Variants in SLC6A13 observed in about 807,000 individuals in gnomAD.
SLC6A13 encodes solute carrier family 6 member 13.
Under a neutral mutation model 72.9 loss-of-function variants are expected in SLC6A13, and 69 were observed. The ratio of observed to expected loss-of-function variants is 0.95; its 90% CI spans 0.78 to 1.16. The LOEUF is 1.16. SLC6A13 is among the 50% of genes most tolerant of loss of function. SLC6A13 has a pLI of 0.00. For missense variants in SLC6A13, 735 were observed against 760.5 expected (o/e 0.97, Z 0.39); for synonymous variants, 303 against 303.0 (o/e 1.00, Z 0.00).
intron 14 of SLC6A13, 81 bp downstream of exon 14, chr12:221,295 G>A (rs548352705): frequency 2.3e-5 from 32 of 1,418,770 alleles, no homozygotes; most frequent in Middle Eastern, 2.4e-4. Flanking sequence ...AACGGTGTGC[G>A]CCCTGGCTGG....
chr12:243,857 C>T, intron 2 of SLC6A13, 44 bp from the exon 3 acceptor site: 1 of 1,597,888 alleles, frequency 6.3e-7, no homozygotes. Context: ...GACTATTCTC[C>T]TCATGGTCTG....
chr12:259,832 A>C lies in SLC6A13; in HGVS notation c.202+19T>G. The C allele has an allele frequency of 6.2e-7, 1 of 1,614,208 alleles. No individual in the cohort carries two copies. The highest frequency in any genetic ancestry group is 8.5e-7 in the Non-Finnish European group (1 of 1,180,032). On this transcript the variant is annotated intron_variant, in intron 2 of 14. Transcript: ENST00000343164. Reference sequence around the variant, plus strand: ...TCCTTCCAGGAGTGGGTGGGGTGGCACAAGGGCTCTCATCTCACCTCCCCC... The same window carrying C: ...TCCTTCCAGGAGTGGGTGGGGTGGCCCAAGGGCTCTCATCTCACCTCCCCC...
chr12:229,288 T>TA (rs1565492162), intron 7 of SLC6A13, among the ~76,000 whole-genome samples: 2 of 152,314 alleles, frequency 1.3e-5, no homozygotes, highest in South Asian at 4.1e-4. Context: ...TCTCCCCGTT[T>TA]AAAAAAAGAA....
intron 3 of SLC6A13, 85 bp downstream of exon 3, chr12:243,594 A>G: frequency 2.9e-6 from 4 of 1,360,376 alleles, no homozygotes; most frequent in Non-Finnish European, 4.1e-6. Context: ...TAACCTCAGA[A>G]CTGCTACTAA....
In SLC6A13 at chr12:259,295, A is replaced by G. The variant is rs144787788; in HGVS notation, c.202+556T>C. 1.3e-3 allele frequency: 1,214 copies of G among 969,564 alleles called. 4 individuals are homozygous for G. Among genetic ancestry groups the G allele is most frequent in the Admixed American group, 2.7e-3 (48 of 18,040 alleles). 60.1% of individuals were successfully genotyped at this position (969,564 alleles called of 1,614,324 possible). ...AGACCACAGAACAGTTTGGTTATCA[A>G]CGTCATCATCAACAGAGCTACTACT... On this transcript the variant is annotated intron_variant, in intron 2 of 14. Coordinates refer to ENST00000343164, the MANE Select transcript of SLC6A13 (RefSeq NM_016615.5).
chr12:241,059 G>A (rs922646879), intron 4 of SLC6A13, among the ~76,000 whole-genome samples: 10 of 152,204 alleles, frequency 6.6e-5, no homozygotes, highest in South Asian at 2.1e-4. Flanking sequence ...TAATCCCAGC[G>A]CTTTGGGAGG....
chr12:243,574 G>A (rs1942244613), intron 3 of SLC6A13, 105 bp downstream of exon 3: 1 of 1,141,368 alleles, frequency 8.8e-7, no homozygotes. Flanking sequence ...AGAGACTCGG[G>A]ATCTTATCTT....
chr12:229,857 C>A (rs879698603), intron 7 of SLC6A13, among the ~76,000 whole-genome samples: 2 of 152,096 alleles, frequency 1.3e-5, no homozygotes, highest in African/African-American at 4.8e-5. Context: ...TAAGAGAAAT[C>A]GTGACTTGGC....
At chr12:247,237 A>T (rs1255099934) in intron 2 of SLC6A13, among the ~76,000 whole-genome samples, 1 of 151,958 alleles carries the variant, frequency 6.6e-6, no homozygotes, top group Non-Finnish European at 1.5e-5. Flanking sequence ...ACAAACACCA[A>T]GATTAAAAAA....
intron 6 of SLC6A13, 99 bp downstream of exon 6, chr12:237,059 C>T (rs1422476390): frequency 2.2e-6 from 3 of 1,339,076 alleles, no homozygotes; most frequent in Non-Finnish European, 3.1e-6. Flanking sequence ...CATCGCCTCC[C>T]ATCCTCAACG....
At chr12:223,400 G>A (rs1394440552) in intron 11 of SLC6A13, among the ~76,000 whole-genome samples, 166 bp from the exon 12 acceptor site, 1 of 151,000 alleles carries the variant, frequency 6.6e-6, no homozygotes, top group African/African-American at 2.5e-5. Flanking sequence ...AAAGCATGAG[G>A]CGGATATGAG....
intron 7 of SLC6A13, among the ~76,000 whole-genome samples, chr12:229,487 A>G (rs1026786098): frequency 6.6e-6 from 1 of 152,210 alleles, no homozygotes; most frequent in African/African-American, 2.4e-5. Flanking sequence ...TTCCTGCTTC[A>G]CTGGCTAAGT....
intron 1 of SLC6A13, among the ~76,000 whole-genome samples, chr12:260,743 A>G (rs529168320): frequency 3.3e-5 from 5 of 152,362 alleles, no homozygotes; most frequent in African/African-American, 1.2e-4. Context: ...CAGTACATAC[A>G]ATATGATCAT....
At chr12:228,704 T>C (rs1036335689) in intron 7 of SLC6A13, among the ~76,000 whole-genome samples, 1 of 152,098 alleles carries the variant, frequency 6.6e-6, no homozygotes, top group African/African-American at 2.4e-5. Context: ...CCTTGCTCCC[T>C]CCTTTCACGC....
Position 248,331 on chromosome 12 carries a change from G to C in SLC6A13, c.203-4518C>G, listed in dbSNP as rs542170309. ...GCAGGAGAAATGGAGTGAACCCCGGGGGGCGGAGCATGCAGTGAGCCGAGG... is the reference window on the plus strand; with the variant it reads ...GCAGGAGAAATGGAGTGAACCCCGGCGGGCGGAGCATGCAGTGAGCCGAGG... On this transcript the variant is annotated intron_variant, in intron 2 of 14. Transcript: ENST00000343164. Among the ~76,000 whole-genome samples, 3 of 151,578 alleles carry C rather than the reference G, an allele frequency of 2.0e-5. No individual in the cohort carries two copies. In the South Asian group the frequency reaches 6.3e-4, roughly 32 times the overall value.
chr12:247,319 G>C (rs1021366090), intron 2 of SLC6A13, among the ~76,000 whole-genome samples: 1 of 151,496 alleles, frequency 6.6e-6, no homozygotes, highest in African/African-American at 2.4e-5. Flanking sequence ...GCTTTTAAGA[G>C]AAAACCTTAA....
At chr12:244,629 G>A (rs567320564) in intron 2 of SLC6A13, among the ~76,000 whole-genome samples, 2 of 152,238 alleles carry the variant, frequency 1.3e-5, no homozygotes, top group South Asian at 4.1e-4. Context: ...GTTCGAGGCT[G>A]CAGTGAGCTG....
intron 1 of SLC6A13, chr12:262,564 GCT>G (rs201520083): frequency 7.2e-6 from 2 of 279,524 alleles, no homozygotes; most frequent in East Asian, 3.5e-4. Context: ...TCAATCTAGG[GCT>G]CTCTCTTTCC....
intron 9 of SLC6A13, among the ~76,000 whole-genome samples, chr12:225,602 A>G (rs1383689221): frequency 6.6e-6 from 1 of 151,946 alleles, no homozygotes; most frequent in Non-Finnish European, 1.5e-5. Flanking sequence ...GTGAGCCGAG[A>G]TCATGTCACT....
Sources: gnomAD v4.1 joint callset for allele counts (sites outside exome capture counted in the v4.1 genomes callset) on GRCh38, gnomAD v4.1.1 for gene constraint, MANE v1.5 for transcripts, NCBI Gene and HGNC (gene_info 2026-07-23, HGNC 2026-07-21) for gene names.